Variants in RELN observed in about 807,000 individuals in gnomAD.
The protein encoded by RELN is reelin.
In RELN, 108 loss-of-function variants were observed where a neutral mutation model predicts 427.6. That is an observed-to-expected ratio of 0.25 (90% CI 0.22 to 0.30). The LOEUF (loss-of-function observed/expected upper bound fraction) is 0.30. Among genes scored for constraint, RELN ranks in the 10% least tolerant of loss-of-function variants. The pLI, the probability that RELN is intolerant of heterozygous loss-of-function variation, is 1.00. For synonymous variants in RELN, 1,524 were observed against 1,513.4 expected (o/e 1.01, Z -0.16); for missense variants, 3,715 against 4,302.8 (o/e 0.86, Z 3.82).
intron 3 of RELN, among the ~76,000 whole-genome samples, chr7:103,812,097 T>C (rs1259387316): frequency 6.6e-6 from 1 of 152,228 alleles, no homozygotes; most frequent in African/African-American, 2.4e-5. Flanking sequence ...AAACATTTGC[T>C]TTCAGGTGAC....
chr7:103,826,378 A>C (rs39348), intron 3 of RELN, among the ~76,000 whole-genome samples: 153 of 147,696 alleles, frequency 1.0e-3, no homozygotes, highest in African/African-American at 3.5e-3. Context: ...ACATATTTAC[A>C]TATCTAAATA....
chr7:103,761,642 G>A (rs1169605545), intron 4 of RELN, among the ~76,000 whole-genome samples: 1 of 151,608 alleles, frequency 6.6e-6, no homozygotes, highest in Non-Finnish European at 1.5e-5. Context: ...GGGGGGTAGA[G>A]ACAAGATCTT....
chr7:103,833,676 A>G lies in RELN; in HGVS notation c.338-4T>C, dbSNP rs1793329413. ...AACTGGTGGTCAGACATGATCCCTAAGAGAAAGGAAGGAGAGTTGTTACAA... is the reference window on the plus strand; with the variant it reads ...AACTGGTGGTCAGACATGATCCCTAGGAGAAAGGAAGGAGAGTTGTTACAA... On this transcript the variant is annotated splice_region_variant and splice_polypyrimidine_tract_variant and intron_variant, in intron 2 of 64. Coordinates refer to ENST00000428762, the MANE Select transcript of RELN (RefSeq NM_005045.4). The G allele has an allele frequency of 1.2e-6, 2 of 1,612,726 alleles. No individual in the cohort carries two copies. Among genetic ancestry groups the G allele is most frequent in the Non-Finnish European group, 1.7e-6 (2 of 1,179,120 alleles).
chr7:103,496,699 A>T lies in RELN; in HGVS notation c.9020T>A (p.Leu3007His). 1 of 1,614,176 alleles carries T rather than the reference A, an allele frequency of 6.2e-7. No individual in the cohort carries two copies. The highest frequency in any genetic ancestry group is 8.5e-7 in the Non-Finnish European group (1 of 1,180,010). Residue 3007 changes from leucine (L) to histidine (H), a missense_variant, in exon 56 of 65, where the codon CTT becomes CAT. Coordinates refer to ENST00000428762, the MANE Select transcript of RELN (RefSeq NM_005045.4). Reference protein sequence around the residue: ...KYISVRHDYILLPEDALTNTT... With the variant: ...KYISVRHDYIHLPEDALTNTT... Reference sequence around the variant, plus strand: ...GTTGGTGAGGGCATCTTCAGGAAGAAGTATGTAGTCGTGTCTAACAGAAAT... The same window carrying T: ...GTTGGTGAGGGCATCTTCAGGAAGATGTATGTAGTCGTGTCTAACAGAAAT...
At chr7:103,669,427 G>A (rs1456714523) in intron 11 of RELN, among the ~76,000 whole-genome samples, 2 of 152,124 alleles carry the variant, frequency 1.3e-5, no homozygotes, top group Non-Finnish European at 2.9e-5. Flanking sequence ...CTCAAACATG[G>A]TTGGAGGCCA....
At chr7:103,478,281 T>G (rs1828106776) in intron 64 of RELN, 108 bp downstream of exon 64, 1 of 631,240 alleles carries the variant, frequency 1.6e-6, no homozygotes, top group Admixed American at 2.8e-5. Flanking sequence ...CATAGATTTT[T>G]TTTTTTTTTT....
chr7:103,474,473 C>A (rs1262883047), intron 64 of RELN, among the ~76,000 whole-genome samples: 1 of 151,784 alleles, frequency 6.6e-6, no homozygotes, highest in East Asian at 1.9e-4. Context: ...CTATCCTCCC[C>A]CTCCCATCCC....
At chr7:103,557,540 T>C (rs949056911) in intron 37 of RELN, among the ~76,000 whole-genome samples, 1 of 152,192 alleles carries the variant, frequency 6.6e-6, no homozygotes, top group African/African-American at 2.4e-5. Flanking sequence ...ATATCTACAA[T>C]CAATTTGTTC....
Position 103,861,139 on chromosome 7 carries a change from A to G in RELN, c.338-27467T>C, listed in dbSNP as rs181690513. On this transcript the variant is annotated intron_variant, in intron 2 of 64. Coordinates refer to ENST00000428762, the MANE Select transcript of RELN (RefSeq NM_005045.4). ...TAAAATAATAGTTTCTTTTTTTCTG[A>G]TATACACAGTTATTATCATTGAAGG... Among the ~76,000 whole-genome samples the G allele has an allele frequency of 1.2e-3, 176 of 152,200 alleles. 2 individuals carry two copies. The highest frequency in any genetic ancestry group is 4.0e-3 in the African/African-American group (168 of 41,536).
rs1478868231 is a variant in RELN, at chr7:103,596,788, G to C, written c.3334-127C>G. Reference sequence around the variant, plus strand: ...AATGGTCTCGTCCCCATTTATTGTGGAGAGAGGGCAGTCATGCCATTTAGT... The same window carrying C: ...AATGGTCTCGTCCCCATTTATTGTGCAGAGAGGGCAGTCATGCCATTTAGT... On this transcript the variant is annotated intron_variant, in intron 24 of 64. Coordinates refer to ENST00000428762, the MANE Select transcript of RELN (RefSeq NM_005045.4). 4 of 810,412 alleles carry C rather than the reference G, an allele frequency of 4.9e-6. 1 individual carries two copies. The highest frequency in any genetic ancestry group is 5.2e-5 in the East Asian group (2 of 38,422). 50.2% of individuals were successfully genotyped at this position (810,412 alleles called of 1,614,324 possible).
rs148996847 is a variant in RELN, at chr7:103,586,813, A to G, written c.4145+2783T>C. Among the ~76,000 whole-genome samples, 1,097 of 152,368 alleles carry G rather than the reference A, an allele frequency of 7.2e-3. 8 individuals carry two copies. Among genetic ancestry groups the G allele is most frequent in the Non-Finnish European group, 0.011 (743 of 68,030 alleles). Reference sequence around the variant, plus strand: ...CCAAAATAAAATAAGTACTAGGAATACATTTAACCAAGGAGATGGATCATC... The same window carrying G: ...CCAAAATAAAATAAGTACTAGGAATGCATTTAACCAAGGAGATGGATCATC... On this transcript the variant is annotated intron_variant, in intron 28 of 64. Transcript: ENST00000428762.
At chr7:103,744,607 C>A (rs1266956832) in intron 6 of RELN, among the ~76,000 whole-genome samples, 1 of 152,190 alleles carries the variant, frequency 6.6e-6, no homozygotes, top group Non-Finnish European at 1.5e-5. Flanking sequence ...CACAGAAATA[C>A]AAACTACCAT....
intron 12 of RELN, among the ~76,000 whole-genome samples, chr7:103,657,518 C>G (rs1833047238): frequency 6.6e-6 from 1 of 152,092 alleles, no homozygotes; most frequent in Non-Finnish European, 1.5e-5. Flanking sequence ...AGGCACTGAA[C>G]TATCAGTTTT....
chr7:103,896,306 G>C (rs1794958398), intron 2 of RELN, among the ~76,000 whole-genome samples: 2 of 151,978 alleles, frequency 1.3e-5, no homozygotes. Context: ...GCCACTCCTA[G>C]GTATTTGCCC....
At chr7:103,743,901 C>T (rs1357954227) in intron 6 of RELN, among the ~76,000 whole-genome samples, 1 of 152,176 alleles carries the variant, frequency 6.6e-6, no homozygotes, top group Non-Finnish European at 1.5e-5. Flanking sequence ...TTCAGCTATG[C>T]ACCAAGCAGA....
intron 58 of RELN, 47 bp from the exon 59 acceptor site, chr7:103,490,876 A>G (rs1828626466): frequency 1.3e-6 from 2 of 1,593,572 alleles, no homozygotes; most frequent in Admixed American, 1.7e-5. Context: ...AGAGAAACAT[A>G]TAATCTGTTA....
Position 103,503,022 on chromosome 7 carries a change from A to G in RELN, c.8483T>C (p.Val2828Ala). 1.2e-6 allele frequency: 2 copies of G among 1,613,878 alleles called. No individual in the cohort carries two copies. Among genetic ancestry groups the G allele is most frequent in the Non-Finnish European group, 1.7e-6 (2 of 1,179,772 alleles). Reference sequence around the variant, plus strand: ...GTTTTAGTTTTCTACTTACTTTCCCACTAAGCTTTCAGGAAGTGGGTAGGT... The same window carrying G: ...GTTTTAGTTTTCTACTTACTTTCCCGCTAAGCTTTCAGGAAGTGGGTAGGT... ...RITYPLPESL[V>A]GNPVRFRFYQ... Residue 2828 changes from valine (V) to alanine (A), a missense_variant, in exon 52 of 65, where the codon GTG becomes GCG. Val to Ala is a moderately conservative substitution (Grantham distance 64). Around this residue, in one of 4 missense-constraint regions of RELN, gnomAD observed 1,310 missense variants for 1,643.0 expected, o/e 0.80. Transcript: ENST00000428762.
At chr7:103,556,075 G>C (rs867918779) in intron 38 of RELN, among the ~76,000 whole-genome samples, 5 of 152,120 alleles carry the variant, frequency 3.3e-5, no homozygotes, top group African/African-American at 1.2e-4. Context: ...CCAATTTGTA[G>C]AATCATTTTC....
chr7:103,683,813 G>A (rs972899126), intron 10 of RELN, among the ~76,000 whole-genome samples: 2 of 152,136 alleles, frequency 1.3e-5, no homozygotes, highest in African/African-American at 2.4e-5. Flanking sequence ...AAAGGAAGCA[G>A]CCATCCTTCA....
Sources: gnomAD v4.1 joint callset for allele counts (sites outside exome capture counted in the v4.1 genomes callset) on GRCh38, gnomAD v4.1.1 for gene constraint, gnomAD v4.1.1 regional missense constraint, MANE v1.5 for transcripts, NCBI Gene and HGNC (gene_info 2026-07-23, HGNC 2026-07-21) for gene names.